Variants in STK3 observed in about 807,000 individuals in gnomAD.
STK3 encodes the protein serine/threonine kinase 3.
In STK3, 41 loss-of-function variants were observed where a neutral mutation model predicts 58.0. The observed-to-expected ratio is 0.71, with a 90% CI of 0.55 to 0.92. The LOEUF is 0.92. Among genes scored for constraint, STK3 ranks in the 40% least tolerant of loss-of-function variants. STK3 has a pLI of 0.00. For missense variants in STK3, 479 were observed against 602.7 expected (o/e 0.79, Z 2.15); for synonymous variants, 170 against 191.0 (o/e 0.89, Z 0.91).
At chr8:98,630,643 AAGGAGAAGGAGAAGGAGAAGGAGAAGG>A (rs1819114576) in intron 6 of STK3, among the ~76,000 whole-genome samples, 1 of 148,016 alleles carries the variant, frequency 6.8e-6, no homozygotes, top group Non-Finnish European at 1.5e-5. Flanking sequence ...ACAGAAGAAG[AAGGAGAAGGAGAAGGAGAAGGAGAAGG>A]AGGAGAAGGA....
intron 6 of STK3, among the ~76,000 whole-genome samples, chr8:98,628,106 A>G (rs1341601309): frequency 3.3e-5 from 5 of 152,236 alleles, no homozygotes; most frequent in Non-Finnish European, 7.3e-5. Flanking sequence ...TGTGTAAAAC[A>G]CAGTCCAGTA....
chr8:98,935,304 T>C (rs1358682076), intron 1 of STK3, among the ~76,000 whole-genome samples: 2 of 152,222 alleles, frequency 1.3e-5, no homozygotes, highest in Non-Finnish European at 2.9e-5. Flanking sequence ...TACCTGATAA[T>C]GAAGAAGCTA....
At chr8:98,878,040 C>A (rs1233873571) in intron 3 of STK3, among the ~76,000 whole-genome samples, 1 of 151,032 alleles carries the variant, frequency 6.6e-6, no homozygotes, top group Non-Finnish European at 1.5e-5. Flanking sequence ...ACAACAGCAA[C>A]AACAACAACA....
intron 10 of STK3, among the ~76,000 whole-genome samples, chr8:98,480,021 G>GA (rs1821718684): frequency 6.6e-6 from 1 of 152,086 alleles, no homozygotes; most frequent in Non-Finnish European, 1.5e-5. Flanking sequence ...AAAAAGGTCA[G>GA]TGAAAATTAC....
At chr8:98,897,189 T>C (rs1838483907) in intron 1 of STK3, among the ~76,000 whole-genome samples, 1 of 152,156 alleles carries the variant, frequency 6.6e-6, no homozygotes, top group African/African-American at 2.4e-5. Context: ...TCCTCTGAGT[T>C]TGGTAGCTCC....
Position 98,607,131 on chromosome 8 carries a change from T to C in STK3, c.685-10962A>G, listed in dbSNP as rs144527852. Among the ~76,000 whole-genome samples the C allele has an allele frequency of 6.7e-3, 1,028 of 152,324 alleles. 7 individuals are homozygous for C. Among genetic ancestry groups the C allele is most frequent in the African/African-American group, 0.023 (965 of 41,558 alleles). On this transcript the variant is annotated intron_variant, in intron 6 of 10. Transcript: ENST00000419617. ...TATTCAAATGTATTTTCACTGTTTT[T>C]CAAACATAGCAAAATAGTGAAATTG...
intron 1 of STK3, among the ~76,000 whole-genome samples, chr8:98,782,783 A>G (rs1832183439): frequency 6.6e-6 from 1 of 152,166 alleles, no homozygotes. Context: ...GTGCAGCACA[A>G]AAGATGAAAT....
intron 10 of STK3, among the ~76,000 whole-genome samples, chr8:98,496,821 G>A (rs2131344014): frequency 6.6e-6 from 1 of 152,182 alleles, no homozygotes; most frequent in East Asian, 1.9e-4. Context: ...GATGGGAAAG[G>A]GGAGCTGTTA....
chr8:98,359,511 AGACTCTGGC>A, the STK3 span, among the ~76,000 whole-genome samples: 1 of 145,082 alleles, frequency 6.9e-6, no homozygotes, highest in African/African-American at 2.7e-5. Context: ...CAACAGAGCC[AGACTCTGGC>A]TCAAAAAAAA....
chr8:98,434,930 T>C (rs925047376), intron 2 of STK3, among the ~76,000 whole-genome samples: 4 of 152,214 alleles, frequency 2.6e-5, no homozygotes, highest in African/African-American at 9.6e-5. Context: ...AGGCCTTCCA[T>C]TGAGTCTATT....
chr8:98,916,418 C>G (rs1839351484), intron 1 of STK3, among the ~76,000 whole-genome samples: 2 of 152,100 alleles, frequency 1.3e-5, no homozygotes, highest in South Asian at 4.1e-4. Context: ...CACCTCAAAA[C>G]AAGCAAGCAA....
At chr8:98,709,992 T>C (rs1826271048) in intron 4 of STK3, among the ~76,000 whole-genome samples, 2 of 152,036 alleles carry the variant, frequency 1.3e-5, no homozygotes, top group African/African-American at 4.8e-5. Flanking sequence ...TTCTGTTACA[T>C]ATAGTACTGG....
chr8:98,484,312 A>G lies in STK3; in HGVS notation c.1318-28312T>C, dbSNP rs186814807. The stretch of plus-strand genomic sequence containing the variant: ...CCAAAGTATCCTTATTAACACTTTG[A>G]GCAGGGACACCAACATATTTTATTT... On this transcript the variant is annotated intron_variant, in intron 10 of 10. Transcript: ENST00000419617. 2.6e-5 allele frequency among the ~76,000 whole-genome samples: 4 copies of G among 152,340 alleles called. No homozygotes were observed. In the East Asian group the frequency reaches 7.7e-4, roughly 29 times the overall value.
rs565004378 is a variant in STK3, at chr8:98,649,715, T to G, written c.685-53546A>C. Reference sequence around the variant, plus strand: ...TTTCTTAGTCAACAAGTATGAACATTATGTTACCCAATTCCAATGTAAACC... The same window carrying G: ...TTTCTTAGTCAACAAGTATGAACATGATGTTACCCAATTCCAATGTAAACC... On this transcript the variant is annotated intron_variant, in intron 6 of 10. Coordinates refer to ENST00000419617, the MANE Select transcript of STK3 (RefSeq NM_006281.4). Among the ~76,000 whole-genome samples, 4 of 152,360 alleles carry G rather than the reference T, an allele frequency of 2.6e-5. No individual in the cohort carries two copies. In the South Asian group the frequency reaches 6.2e-4, roughly 24 times the overall value.
downstream of STK3, among the ~76,000 whole-genome samples, chr8:98,369,315 C>A (rs1166628889): frequency 6.6e-6 from 1 of 152,168 alleles, no homozygotes; most frequent in Admixed American, 6.5e-5. Flanking sequence ...TAAAACGCTA[C>A]CATTAGCAAC....
intron 1 of STK3, among the ~76,000 whole-genome samples, chr8:98,920,324 A>G (rs1490715490): frequency 1.3e-5 from 2 of 152,210 alleles, no homozygotes; most frequent in Non-Finnish European, 2.9e-5. Flanking sequence ...CCACCAGGGG[A>G]TAGAGCTGAC....
chr8:98,579,888 G>T, intron 7 of STK3, 99 bp from the exon 8 acceptor site: 2 of 1,088,404 alleles, frequency 1.8e-6, no homozygotes, highest in Non-Finnish European at 2.5e-6. Context: ...AGGATCACAG[G>T]CTTCAATGAT....
At chr8:98,618,715 T>C (rs1212073611) in intron 6 of STK3, among the ~76,000 whole-genome samples, 3 of 140,004 alleles carry the variant, frequency 2.1e-5, no homozygotes, top group East Asian at 4.2e-4. Flanking sequence ...CCATTCACAA[T>C]TGCTTCAAAG....
At chr8:98,632,043 G>A (rs925531289) in intron 6 of STK3, among the ~76,000 whole-genome samples, 2 of 152,142 alleles carry the variant, frequency 1.3e-5, no homozygotes, top group African/African-American at 4.8e-5. Flanking sequence ...TCACTGTTAT[G>A]TATGAGTGCC....
Sources: allele counts gnomAD v4.1 joint callset (sites outside exome capture counted in the v4.1 genomes callset), GRCh38; gene constraint gnomAD v4.1.1; transcripts MANE v1.5; gene names NCBI Gene and HGNC (gene_info 2026-07-23, HGNC 2026-07-21).